Variants in NARS2 observed in about 807,000 individuals in gnomAD.
The protein encoded by NARS2 is asparaginyl-tRNA synthetase.
NARS2 carries 60 observed loss-of-function variants against 62.9 expected under a neutral mutation model. The observed-to-expected ratio is 0.95, with a 90% confidence interval of 0.77 to 1.18. NARS2 has a LOEUF of 1.18. Ranked by LOEUF, NARS2 falls within the 50% of genes most tolerant of loss-of-function variation. The pLI is 0.00. For synonymous variants in NARS2, 196 were observed against 200.0 expected (o/e 0.98, Z 0.17); for missense variants, 619 against 576.4 (o/e 1.07, Z -0.76).
rs961521912 is a variant in NARS2, at chr11:78,436,303, T to C, written c.*367A>G. 3 of 166,926 alleles carry C rather than the reference T, an allele frequency of 1.8e-5. No homozygotes were observed. Among genetic ancestry groups the C allele is most frequent in the Non-Finnish European group, 2.6e-5 (2 of 77,384 alleles). 10.3% of individuals were successfully genotyped at this position (166,926 alleles called of 1,614,324 possible). On this transcript the variant is annotated 3_prime_UTR_variant, in exon 14 of 14. Coordinates refer to ENST00000281038, the MANE Select transcript of NARS2 (RefSeq NM_024678.6). ...TATTTTATTTCGAGCTACTAGATGG[T>C]TCTCACAAATTACACAGGGAGTGAT...
chr11:78,539,667 A>G (rs1471246480), intron 5 of NARS2, among the ~76,000 whole-genome samples: 1 of 152,172 alleles, frequency 6.6e-6, no homozygotes, highest in African/African-American at 2.4e-5. Flanking sequence ...AGTGAATAAA[A>G]TCGCCAGGGG....
rs749578567 is a variant in NARS2 at position 78,493,169 on chromosome 11, C to T, written c.716G>A (p.Gly239Asp). 1.2e-6 allele frequency: 2 copies of T among 1,613,714 alleles called. No homozygotes were observed. Among genetic ancestry groups the T allele is most frequent in the Non-Finnish European group, 1.7e-6 (2 of 1,179,884 alleles). The change falls in exon 7 of 14, where the codon GGT (glycine) becomes GAT (aspartate). Residue 239 changes from glycine (G) to aspartate (D), a missense_variant. Coordinates refer to ENST00000281038, the MANE Select transcript of NARS2 (RefSeq NM_024678.6). ...AGAATTTTCAGCTCGGAAGGTCGGA[C>T]CAAAGGTAAACACTTGAGTAAAAGC... ...SGAFTQVFTF[G>D]PTFRAENSQS...
At chr11:78,507,848 G>A (rs1860563761) in intron 6 of NARS2, among the ~76,000 whole-genome samples, 2 of 140,888 alleles carry the variant, frequency 1.4e-5, no homozygotes, top group Non-Finnish European at 3.1e-5. Context: ...AAATCACAAG[G>A]CATATAAAGA....
At chr11:78,515,074 T>C (rs762537109) in intron 6 of NARS2, among the ~76,000 whole-genome samples, 6 of 152,174 alleles carry the variant, frequency 3.9e-5, no homozygotes, top group African/African-American at 7.2e-5. Flanking sequence ...ATGACCAATA[T>C]GGCAAAGCAT....
intron 6 of NARS2, among the ~76,000 whole-genome samples, chr11:78,519,707 T>TC (rs1022938964): frequency 6.6e-6 from 1 of 152,070 alleles, no homozygotes; most frequent in African/African-American, 2.4e-5. Context: ...TGTTGAGTTT[T>TC]TTTTTTTTTT....
At chr11:78,543,161 G>A (rs1171764164) in intron 5 of NARS2, among the ~76,000 whole-genome samples, 1 of 152,048 alleles carries the variant, frequency 6.6e-6, no homozygotes, top group Non-Finnish European at 1.5e-5. Flanking sequence ...CTGGGCAACA[G>A]AGCAAAACTA....
chr11:78,442,038 C>A (rs1238363450), intron 12 of NARS2, among the ~76,000 whole-genome samples: 1 of 152,050 alleles, frequency 6.6e-6, no homozygotes, highest in African/African-American at 2.4e-5. Flanking sequence ...TAGACAGATC[C>A]CTGAAATAGG....
intron 9 of NARS2, among the ~76,000 whole-genome samples, chr11:78,472,476 A>G (rs992650700): frequency 6.6e-6 from 1 of 152,234 alleles, no homozygotes; most frequent in Non-Finnish European, 1.5e-5. Context: ...AAAAAAGGTA[A>G]GTACTCTACA....
intron 9 of NARS2, among the ~76,000 whole-genome samples, chr11:78,475,240 A>G (rs1307226068): frequency 2.6e-5 from 4 of 152,170 alleles, no homozygotes; most frequent in Admixed American, 6.5e-5. Context: ...TGCTGTCACA[A>G]ATAAGATTTC....
In NARS2 at chr11:78,478,641, A is replaced by C. The variant is rs1859213309; in HGVS notation, c.865T>G (p.Ser289Ala). ...AGTTCAACATCTTCAGGACATTTTG[A>C]GAGAACCATCATTGTTGTAGCCTTG... ...LFKATTMMVL[S>A]KCPEDVELCH... The change falls in exon 8 of 14, where the codon TCA becomes GCA. Residue 289 changes from serine (S) to alanine (A), a missense_variant. Physicochemically the swap from Ser to Ala is moderately conservative, Grantham distance 99. Coordinates refer to ENST00000281038, the MANE Select transcript of NARS2 (RefSeq NM_024678.6). The C allele has an allele frequency of 6.2e-7, 1 of 1,612,142 alleles. No homozygotes were observed.
At chr11:78,456,460 T>C (rs937957313) in intron 11 of NARS2, among the ~76,000 whole-genome samples, 3 of 152,178 alleles carry the variant, frequency 2.0e-5, no homozygotes, top group Non-Finnish European at 2.9e-5. Context: ...ATGGGGAAAA[T>C]TGGCAATTCC....
At chr11:78,544,441 A>T (rs1447604662) in intron 5 of NARS2, among the ~76,000 whole-genome samples, 1 of 152,194 alleles carries the variant, frequency 6.6e-6, no homozygotes, top group African/African-American at 2.4e-5. Context: ...AATTTTCCAG[A>T]ATGCATCTTC....
At chr11:78,495,173 A>AC (rs1860006486) in intron 6 of NARS2, among the ~76,000 whole-genome samples, 1 of 152,178 alleles carries the variant, frequency 6.6e-6, no homozygotes, top group Non-Finnish European at 1.5e-5. Flanking sequence ...CCTTAGTACC[A>AC]AAGAATAAAA....
At chr11:78,568,315 T>C (rs951642469) in intron 3 of NARS2, among the ~76,000 whole-genome samples, 1 of 152,180 alleles carries the variant, frequency 6.6e-6, no homozygotes, top group Non-Finnish European at 1.5e-5. Flanking sequence ...TTCTACATCA[T>C]GCAAAAGTCA....
At chr11:78,513,993 C>T (rs936132404) in intron 6 of NARS2, among the ~76,000 whole-genome samples, 5 of 152,186 alleles carry the variant, frequency 3.3e-5, no homozygotes, top group Non-Finnish European at 5.9e-5. Context: ...GAGACGCATA[C>T]TCCTTTGCCT....
intron 5 of NARS2, among the ~76,000 whole-genome samples, chr11:78,534,329 T>C (rs6592788): frequency 0.01 from 1,536 of 152,338 alleles, 28 homozygotes; most frequent in African/African-American, 0.035. Context: ...AATAGGTACA[T>C]AGTGGTACTG....
At chr11:78,450,902 T>TA (rs145020349) in intron 11 of NARS2, among the ~76,000 whole-genome samples, 34,227 of 151,968 alleles carry the variant, frequency 0.23, 4,189 homozygotes, top group East Asian at 0.41. Flanking sequence ...GGCAGGCCTC[T>TA]AACTCCTGAC....
chr11:78,516,110 C>T (rs1860901164), intron 6 of NARS2, among the ~76,000 whole-genome samples: 1 of 152,164 alleles, frequency 6.6e-6, no homozygotes, highest in South Asian at 2.1e-4. Flanking sequence ...GATAAAGACA[C>T]AGGGCAGAAA....
chr11:78,574,414 T>C lies in NARS2; in HGVS notation c.75A>G (p.Ser25=), dbSNP rs752916733. 2.5e-6 allele frequency: 4 copies of C among 1,614,192 alleles called. No homozygotes were observed. In the East Asian group the frequency reaches 8.9e-5, roughly 36 times the overall value. ...SSAPFPKHKP[S]AKLSVRDALG... Reference sequence around the variant, plus strand: ...GAGCGTCCCGCACGCTCAGTTTGGCTGAAGGTTTGTGCTTGGGGAAGGGGG... The same window carrying C: ...GAGCGTCCCGCACGCTCAGTTTGGCCGAAGGTTTGTGCTTGGGGAAGGGGG... The change falls in exon 1 of 14, where the codon TCA becomes TCG. Residue 25 remains serine, a synonymous_variant. Coordinates refer to ENST00000281038, the MANE Select transcript of NARS2 (RefSeq NM_024678.6).
Sources: allele counts gnomAD v4.1 joint callset (sites outside exome capture counted in the v4.1 genomes callset), GRCh38; gene constraint gnomAD v4.1.1; transcripts MANE v1.5; gene names NCBI Gene and HGNC (gene_info 2026-07-23, HGNC 2026-07-21).